The following TTC28 variants were observed in gnomAD, a reference collection of about 807,000 sequenced individuals.
The protein encoded by TTC28 is tetratricopeptide repeat protein 28.
In TTC28, 61 loss-of-function variants were observed where a neutral mutation model predicts 198.0. The observed-to-expected ratio is 0.31, with a 90% CI of 0.25 to 0.38. The LOEUF (loss-of-function observed/expected upper bound fraction) is 0.38. Ranked by LOEUF, TTC28 falls within the 10% of genes least tolerant of loss-of-function variation. The probability of loss-of-function intolerance (pLI) is 1.00; values close to 1 mark genes in which losing one functional copy is unlikely to be tolerated. For synonymous variants in TTC28, 1,171 were observed against 1,297.8 expected, an observed-to-expected ratio of 0.90 and a Z score of 2.10; for missense variants, 2,678 against 3,164.0, an observed-to-expected ratio of 0.85 and a Z score of 3.69.
intron 2 of TTC28, among the ~76,000 whole-genome samples, chr22:28,369,886 G>T (rs1216918468): frequency 6.6e-6 from 1 of 152,066 alleles, no homozygotes; most frequent in East Asian, 1.9e-4. Flanking sequence ...TCATATATAT[G>T]CTTCATTTTA....
intron 2 of TTC28, among the ~76,000 whole-genome samples, chr22:28,365,397 G>A (rs530575874): frequency 6.6e-6 from 1 of 152,264 alleles, no homozygotes; most frequent in Non-Finnish European, 1.5e-5. Context: ...AGGTATGCCT[G>A]TAATGAAACA....
intron 2 of TTC28, among the ~76,000 whole-genome samples, chr22:28,523,315 T>C (rs1294947114): frequency 2.6e-5 from 4 of 152,236 alleles, no homozygotes; most frequent in African/African-American, 9.6e-5. Context: ...ACAGTGATAA[T>C]AGTATTTCAG....
At chr22:28,561,320 C>A (rs1057107783) in intron 2 of TTC28, among the ~76,000 whole-genome samples, 4 of 152,056 alleles carry the variant, frequency 2.6e-5, no homozygotes, top group African/African-American at 9.7e-5. Context: ...TTGTGATCCA[C>A]CCACCTCGGC....
intron 6 of TTC28, among the ~76,000 whole-genome samples, chr22:28,149,860 A>G (rs555170422): frequency 3.3e-4 from 51 of 152,330 alleles, no homozygotes; most frequent in African/African-American, 1.2e-3. Flanking sequence ...TTAATAATGT[A>G]TATTTCAAAA....
At chr22:28,539,295 T>C (rs2049360911) in intron 2 of TTC28, among the ~76,000 whole-genome samples, 1 of 151,518 alleles carries the variant, frequency 6.6e-6, no homozygotes, top group African/African-American at 2.4e-5. Context: ...AATGTAGAGG[T>C]TGCTAGGAGA....
At chr22:28,557,740 A>T (rs1005102522) in intron 2 of TTC28, among the ~76,000 whole-genome samples, 4 of 152,182 alleles carry the variant, frequency 2.6e-5, no homozygotes, top group Non-Finnish European at 4.4e-5. Context: ...AATCTAGTTG[A>T]TCTTAAACAG....
At chr22:28,620,979 A>G (rs1833261256) in intron 2 of TTC28, among the ~76,000 whole-genome samples, 1 of 152,184 alleles carries the variant, frequency 6.6e-6, no homozygotes, top group South Asian at 2.1e-4. Context: ...CTTAATCTTA[A>G]AAACATATTT....
In TTC28 at chr22:28,296,336, G is replaced by T; in HGVS notation, c.803-8C>A. On this transcript the variant is annotated splice_polypyrimidine_tract_variant and splice_region_variant and intron_variant, in intron 4 of 22. Coordinates refer to ENST00000397906, the MANE Select transcript of TTC28 (RefSeq NM_001145418.2). ...ATTCTCCTGTCTGGTCACCTGGATTGAATTGAGAAAAAAAAAAAGAAAAAA... is the reference window on the plus strand; with the variant it reads ...ATTCTCCTGTCTGGTCACCTGGATTTAATTGAGAAAAAAAAAAAGAAAAAA... The T allele has an allele frequency of 6.7e-7, 1 of 1,484,190 alleles. No individual in the cohort carries two copies. Among genetic ancestry groups the T allele is most frequent in the Non-Finnish European group, 8.9e-7 (1 of 1,119,580 alleles). The allele number at this position is 1,484,190 out of a possible 1,614,324, so 91.9% of individuals were successfully genotyped here. A position where few individuals can be genotyped will look rare whatever the true frequency, so the allele number is the denominator to read the frequency against.
Position 28,020,348 on chromosome 22 carries a change from C to G in TTC28, c.4074-5956G>C, listed in dbSNP as rs558747601. On this transcript the variant is annotated intron_variant, in intron 13 of 22. Coordinates refer to ENST00000397906, the MANE Select transcript of TTC28 (RefSeq NM_001145418.2). ...TATTCTTCAGATGATGTTTATTAACCTACTTCGGGAACATTTTCATTTTCT... is the reference window on the plus strand; with the variant it reads ...TATTCTTCAGATGATGTTTATTAACGTACTTCGGGAACATTTTCATTTTCT... Among the ~76,000 whole-genome samples the G allele has an allele frequency of 2.0e-5, 3 of 152,348 alleles. No homozygotes were observed. In the South Asian group the frequency reaches 6.2e-4, roughly 32 times the overall value.
intron 2 of TTC28, among the ~76,000 whole-genome samples, chr22:28,389,950 G>T (rs1362703853): frequency 6.6e-6 from 1 of 151,726 alleles, no homozygotes; most frequent in South Asian, 2.1e-4. Context: ...GTCAATTTTA[G>T]ATCTTTCCTG....
At chr22:28,268,105 T>A (rs1931803940) in intron 5 of TTC28, among the ~76,000 whole-genome samples, 1 of 152,148 alleles carries the variant, frequency 6.6e-6, no homozygotes, top group Non-Finnish European at 1.5e-5. Context: ...TGAACCAGAT[T>A]AATGGTCTGG....
At chr22:28,615,261 CA>C (rs1363746963) in intron 2 of TTC28, among the ~76,000 whole-genome samples, 4 of 152,270 alleles carry the variant, frequency 2.6e-5, no homozygotes, top group African/African-American at 9.6e-5. Flanking sequence ...TACCATCTCA[CA>C]CAAGTTAGAA....
chr22:28,344,207 T>A (rs1443425121), intron 2 of TTC28, among the ~76,000 whole-genome samples: 1 of 151,284 alleles, frequency 6.6e-6, no homozygotes, highest in Non-Finnish European at 1.5e-5. Context: ...TCAAGTTGTG[T>A]CTTGAAGCAG....
At chr22:28,293,709 C>T (rs892244424) in intron 5 of TTC28, among the ~76,000 whole-genome samples, 3 of 151,906 alleles carry the variant, frequency 2.0e-5, no homozygotes, top group African/African-American at 7.3e-5. Flanking sequence ...AATAAAAAAA[C>T]TAAGAAAAAT....
chr22:28,651,373 C>T (rs1241797259), intron 1 of TTC28, among the ~76,000 whole-genome samples: 4 of 151,380 alleles, frequency 2.6e-5, no homozygotes, highest in African/African-American at 7.3e-5. Context: ...GTGATCTGAG[C>T]TCACTGTGAC....
At chr22:27,991,461 G>T (rs770406519) in intron 19 of TTC28, among the ~76,000 whole-genome samples, 10 of 152,156 alleles carry the variant, frequency 6.6e-5, no homozygotes, top group Non-Finnish European at 1.5e-4. Context: ...CAGCCAAGGG[G>T]ACAGGTCACT....
chr22:28,293,252 C>T (rs1437258930), intron 5 of TTC28, among the ~76,000 whole-genome samples: 5 of 152,234 alleles, frequency 3.3e-5, no homozygotes, highest in Non-Finnish European at 7.4e-5. Context: ...AGCTCACACA[C>T]ACAGACACAT....
intron 2 of TTC28, among the ~76,000 whole-genome samples, chr22:28,599,506 A>G (rs1314778593): frequency 6.6e-6 from 1 of 152,202 alleles, no homozygotes; most frequent in Admixed American, 6.5e-5. Flanking sequence ...GTCTATGAGC[A>G]AGCTGGGCGT....
chr22:28,149,396 T>C (rs958338952), intron 6 of TTC28, among the ~76,000 whole-genome samples: 1 of 152,210 alleles, frequency 6.6e-6, no homozygotes, highest in African/African-American at 2.4e-5. Context: ...ATGTGGTATA[T>C]ATACACAACG....
Sources: gnomAD v4.1 joint callset for allele counts (sites outside exome capture counted in the v4.1 genomes callset) on GRCh38, gnomAD v4.1.1 for gene constraint, MANE v1.5 for transcripts, NCBI Gene and HGNC (gene_info 2026-07-23, HGNC 2026-07-21) for gene names.